Variants in TOP1 observed in about 807,000 individuals in gnomAD.
TOP1 encodes DNA topoisomerase 1.
A neutral mutation model predicts 111.1 loss-of-function variants in TOP1; 10 were observed. That is an observed-to-expected ratio of 0.09 (90% CI 0.06 to 0.15). The LOEUF is 0.15. TOP1 is among the 10% of genes least tolerant of loss of function. The probability of loss-of-function intolerance (pLI) is 1.00; values close to 1 mark genes in which losing one functional copy is unlikely to be tolerated. For missense variants in TOP1, 474 were observed against 926.7 expected, an observed-to-expected ratio of 0.51 and a Z score of 6.34; for synonymous variants, 271 against 302.9, an observed-to-expected ratio of 0.89 and a Z score of 1.10.
rs1324292333 is a variant in TOP1 at position 41,114,017 on chromosome 20, C to T, written c.1500C>T (p.Asp500=). The T allele has an allele frequency of 6.8e-6, 11 of 1,613,822 alleles. No homozygotes were observed. The highest frequency in any genetic ancestry group is 2.2e-5 in the South Asian group (2 of 91,088). The change falls in exon 15 of 21, where the codon GAC becomes GAT. Residue 500 remains aspartate (D), a synonymous_variant. Transcript: ENST00000361337. This position sits in a 1 kb window ranked among gnomAD's most constrained non-coding sequence, Gnocchi z 4.5. ...GNEKEEGETA[D]TVGCCSLRVE... is the part of the protein sequence containing the mutation. ...AAAAGGAGGAAGGAGAAACAGCGGA[C>T]ACTGTGGGCTGCTGCTCACTTCGTG...
chr20:41,028,836 G>C lies in TOP1; in HGVS notation c.-232G>C, dbSNP rs6102247. ...CGCAGTGAGCCCAAATGCGAACTTAGGCTGTTACACAACTGCTGGGGTCTG... is the reference window on the plus strand; with the variant it reads ...CGCAGTGAGCCCAAATGCGAACTTACGCTGTTACACAACTGCTGGGGTCTG... On this transcript the variant is annotated 5_prime_UTR_variant, in exon 1 of 21. The change abolishes the stop of an existing upstream ORF in the 5' untranslated region. Transcript: ENST00000361337. 9 of 525,542 alleles carry C rather than the reference G, an allele frequency of 1.7e-5. No individual in the cohort carries two copies. The highest frequency in any genetic ancestry group is 7.1e-5 in the East Asian group (2 of 28,364). The allele number at this position is 525,542 out of a possible 1,614,324, so 32.6% of individuals were successfully genotyped here.
At chr20:41,064,536 T>C (rs1245894402) in intron 3 of TOP1, among the ~76,000 whole-genome samples, 2 of 152,230 alleles carry the variant, frequency 1.3e-5, no homozygotes, top group African/African-American at 4.8e-5. Flanking sequence ...TGTTTATCCT[T>C]ATTTCACATT....
chr20:41,076,073 G>GT, intron 3 of TOP1, 98 bp from the exon 4 acceptor site: 1 of 1,321,966 alleles, frequency 7.6e-7, no homozygotes, highest in Non-Finnish European at 1.0e-6. Flanking sequence ...TTTAAGTACT[G>GT]TAAGTTTCCA....
At chr20:41,072,772 C>T (rs1438289045) in intron 3 of TOP1, 1 of 985,304 alleles carries the variant, frequency 1.0e-6, no homozygotes, top group Admixed American at 6.1e-5. Flanking sequence ...CCTGGTGGAG[C>T]TCTATAAACC....
Position 41,115,486 on chromosome 20 carries a change from C to A in TOP1, c.1707+47C>A. On this transcript the variant is annotated intron_variant, in intron 16 of 20. Transcript: ENST00000361337. This position sits in a 1 kb window ranked among gnomAD's most constrained non-coding sequence, Gnocchi z 6.3. ...TGTTGAAGGGAGTCCCAGCCAGAGC[C>A]TCACAGTACCTAAAGGGGAGGGTTG... 1 of 1,425,086 alleles carries A rather than the reference C, an allele frequency of 7.0e-7. No individual in the cohort carries two copies. The highest frequency in any genetic ancestry group is 1.1e-5 in the South Asian group (1 of 87,208). 88.3% of individuals were successfully genotyped at this position (1,425,086 alleles called of 1,614,324 possible).
chr20:41,114,193 A>G lies in TOP1; in HGVS notation c.1638+38A>G. On this transcript the variant is annotated intron_variant, in intron 15 of 20. Coordinates refer to ENST00000361337, the MANE Select transcript of TOP1 (RefSeq NM_003286.4). The surrounding 1 kb of genome is among the most constrained non-coding windows in gnomAD (Gnocchi z 4.5). ...ACCTGTACTGTCTGACTTGTTTTCC[A>G]TTATTCAACAAGCATGGGTTGACTG... 1.3e-6 allele frequency: 2 copies of G among 1,557,158 alleles called. No homozygotes were observed. The highest frequency in any genetic ancestry group is 1.8e-6 in the Non-Finnish European group (2 of 1,140,106).
Position 41,116,557 on chromosome 20 carries a change from C to G in TOP1, c.1822+165C>G, listed in dbSNP as rs929778599. 6.6e-6 allele frequency among the ~76,000 whole-genome samples: 1 copy of G among 152,168 alleles called. No individual in the cohort carries two copies. Among genetic ancestry groups the G allele is most frequent in the Admixed American group, 6.5e-5 (1 of 15,280 alleles). On this transcript the variant is annotated intron_variant, in intron 17 of 20. Transcript: ENST00000361337. This position sits in a 1 kb window ranked among gnomAD's most constrained non-coding sequence, Gnocchi z 5.6. ...GCGAGATAATGCTTTGTTGTATAAACATAGGATCAATGCTGTTTCCCCCTT... is the reference window on the plus strand; with the variant it reads ...GCGAGATAATGCTTTGTTGTATAAAGATAGGATCAATGCTGTTTCCCCCTT...
In TOP1 at chr20:41,100,218, G is replaced by C. The variant is rs756669367; in HGVS notation, c.1138G>C (p.Glu380Gln). 2.5e-6 allele frequency: 4 copies of C among 1,613,714 alleles called. No individual in the cohort carries two copies. Among genetic ancestry groups the C allele is most frequent in the Non-Finnish European group, 3.4e-6 (4 of 1,179,842 alleles). Reference protein sequence around the residue: ...MGMLKRRIMPEDIIINCSKDA... With the variant: ...MGMLKRRIMPQDIIINCSKDA... ...CATGCTGAAGAGACGAATCATGCCC[G>C]AGGATATAATCATCAACTGTAGCAA... is the stretch of plus-strand genomic sequence containing the variant. The change falls in exon 12 of 21, where the codon GAG becomes CAG. Residue 380 changes from glutamate to glutamine, a missense_variant. Physicochemically the swap from Glu to Gln is conservative, Grantham distance 29 (BLOSUM62 2). This residue lies in a region of TOP1 where 22 missense variants were observed against 30.4 expected (regional missense o/e 0.72). Transcript: ENST00000361337. The surrounding 1 kb of genome is among the most constrained non-coding windows in gnomAD (Gnocchi z 4.4).
chr20:41,081,678 T>C (rs1253410370), intron 7 of TOP1, among the ~76,000 whole-genome samples: 1 of 152,232 alleles, frequency 6.6e-6, no homozygotes, highest in African/African-American at 2.4e-5. Flanking sequence ...TGACATATAA[T>C]TGACACCCAA....
intron 18 of TOP1, among the ~76,000 whole-genome samples, chr20:41,120,223 G>C (rs898953459): frequency 1.3e-5 from 2 of 152,192 alleles, no homozygotes; most frequent in African/African-American, 4.8e-5. Flanking sequence ...AGTGGTGTCT[G>C]TGATGCTTTT....
intron 2 of TOP1, among the ~76,000 whole-genome samples, chr20:41,049,907 A>T (rs996578425): frequency 2.0e-5 from 3 of 152,218 alleles, no homozygotes; most frequent in Admixed American, 6.5e-5. Context: ...TTCAATGATG[A>T]ACAGGTCCAT....
intron 2 of TOP1, among the ~76,000 whole-genome samples, chr20:41,041,163 C>G (rs1021451015): frequency 2.0e-5 from 3 of 152,014 alleles, no homozygotes; most frequent in Non-Finnish European, 4.4e-5. Context: ...CTGTAGTAGT[C>G]TGTATTTATG....
intron 8 of TOP1, among the ~76,000 whole-genome samples, chr20:41,091,208 A>G (rs899376592): frequency 1.3e-5 from 2 of 152,230 alleles, no homozygotes; most frequent in Non-Finnish European, 2.9e-5. Context: ...ATAATAAAAT[A>G]ATAAATAAAA....
Position 41,100,367 on chromosome 20 carries a change from A to G in TOP1, c.1163+124A>G, listed in dbSNP as rs1488166822. On this transcript the variant is annotated intron_variant, in intron 12 of 20. Transcript: ENST00000361337. The surrounding 1 kb of genome is among the most constrained non-coding windows in gnomAD (Gnocchi z 4.4). ...GGGAGATACTTAAGAGCAGGACAGTATTTCATGCGTAGGTCTCCAGATGTT... is the reference window on the plus strand; with the variant it reads ...GGGAGATACTTAAGAGCAGGACAGTGTTTCATGCGTAGGTCTCCAGATGTT... 1.4e-6 allele frequency: 1 copy of G among 722,166 alleles called. No individual in the cohort carries two copies. The highest frequency in any genetic ancestry group is 2.2e-6 in the Non-Finnish European group (1 of 454,932). The allele number at this position is 722,166 out of a possible 1,614,324, so 44.7% of individuals were successfully genotyped here. A position where few individuals can be genotyped will look rare whatever the true frequency, so the allele number is the denominator to read the frequency against.
chr20:41,041,264 A>G (rs572736922), intron 2 of TOP1, among the ~76,000 whole-genome samples: 6 of 152,152 alleles, frequency 3.9e-5, no homozygotes, highest in Non-Finnish European at 5.9e-5. Context: ...CCTGGGCAAC[A>G]TGTCGGGACC....
At chr20:41,111,605 T>TC (rs1483462139) in intron 13 of TOP1, among the ~76,000 whole-genome samples, 1 of 114,614 alleles carries the variant, frequency 8.7e-6, no homozygotes, top group East Asian at 2.9e-4. Context: ...CCGCCCCCTT[T>TC]TTTTTTTTTT....
chr20:41,096,858 T>A (rs1166708571), intron 9 of TOP1, among the ~76,000 whole-genome samples: 1 of 152,120 alleles, frequency 6.6e-6, no homozygotes, highest in African/African-American at 2.4e-5. Context: ...CAGGAGTCCC[T>A]CTGAGGATTT....
At chr20:41,060,996 T>C (rs772387985) in intron 2 of TOP1, among the ~76,000 whole-genome samples, 2 of 152,224 alleles carry the variant, frequency 1.3e-5, no homozygotes, top group African/African-American at 4.8e-5. Flanking sequence ...TTAACATTCA[T>C]TTAAAAACAT....
At position 41,097,460 on chromosome 20, in the gene TOP1, G is replaced by A; in HGVS notation, c.852+119G>A. 5 of 1,072,996 alleles carry A rather than the reference G, an allele frequency of 4.7e-6. No individual in the cohort carries two copies. The South Asian group carries it at 6.6e-5, about 14-fold the overall frequency. The allele number at this position is 1,072,996 out of a possible 1,614,324, so 66.5% of individuals were successfully genotyped here. ...AAATTTGAGTTGTATGGATTTTGTT[G>A]TATTTAAACTTGCGTATTTTTTGTC... On this transcript the variant is annotated intron_variant, in intron 10 of 20. Coordinates refer to ENST00000361337, the MANE Select transcript of TOP1 (RefSeq NM_003286.4). This position sits in a 1 kb window ranked among gnomAD's most constrained non-coding sequence, Gnocchi z 4.2.
Sources: allele counts gnomAD v4.1 joint callset (sites outside exome capture counted in the v4.1 genomes callset), GRCh38; gene constraint gnomAD v4.1.1; regional missense constraint gnomAD v4.1.1; non-coding constraint Gnocchi (gnomAD v3.1); transcripts MANE v1.5; gene names NCBI Gene and HGNC (gene_info 2026-07-23, HGNC 2026-07-21).